NREP: variants seen among roughly 807,000 people sequenced by gnomAD.
NREP encodes neuronal regeneration-related protein.
In NREP, 5 loss-of-function variants were observed where a neutral mutation model predicts 8.6. That is an observed-to-expected ratio of 0.58 (90% CI 0.30 to 1.22). The LOEUF (loss-of-function observed/expected upper bound fraction) is 1.22, where lower values mean the gene tolerates loss of function less well. Among genes scored for constraint, NREP ranks in the 50% most tolerant of loss-of-function variants. The pLI, the probability that NREP is intolerant of heterozygous loss-of-function variation, is 0.07. For synonymous variants in NREP, 27 were observed against 28.0 expected, an observed-to-expected ratio of 0.96 and a Z score of 0.11; for missense variants, 86 against 82.5, an observed-to-expected ratio of 1.04 and a Z score of -0.17.
intron 2 of NREP, among the ~76,000 whole-genome samples, chr5:111,926,421 C>T (rs982209619): frequency 6.6e-6 from 1 of 152,102 alleles, no homozygotes; most frequent in East Asian, 1.9e-4. Context: ...TTGTGCATCG[C>T]TTGCAGAGGT....
rs186651169 is a variant in NREP, at chr5:111,811,681, C to T, written c.136-76174G>A. Among the ~76,000 whole-genome samples the T allele has an allele frequency of 3.7e-3, 563 of 152,226 alleles. 7 individuals are homozygous for T. The highest frequency in any genetic ancestry group is 6.8e-3 in the Middle Eastern group (2 of 294). ...ATATTTTTCTGGGATATTTATTCTTCTCTTGATATTAGCAAAACTTTTGTT... is the reference window on the plus strand; with the variant it reads ...ATATTTTTCTGGGATATTTATTCTTTTCTTGATATTAGCAAAACTTTTGTT... On this transcript the variant is annotated intron_variant, in intron 2 of 3. Transcript: ENST00000395634.
intron 2 of NREP, among the ~76,000 whole-genome samples, chr5:111,929,148 T>G (rs1755470663): frequency 1.3e-5 from 2 of 152,184 alleles, no homozygotes; most frequent in East Asian, 3.9e-4. Flanking sequence ...GATTACACAT[T>G]GAATTCTACT....
At chr5:111,798,665 C>G (rs1165527087) in intron 2 of NREP, among the ~76,000 whole-genome samples, 1 of 151,790 alleles carries the variant, frequency 6.6e-6, no homozygotes, top group Non-Finnish European at 1.5e-5. Context: ...GAATAATAGT[C>G]TTCAATTCCA....
intron 2 of NREP, among the ~76,000 whole-genome samples, chr5:111,955,801 T>A (rs1158010678): frequency 6.6e-6 from 1 of 151,206 alleles, no homozygotes; most frequent in East Asian, 2.0e-4. Flanking sequence ...ACCCACGGTG[T>A]AAGAGGCAGA....
At chr5:111,748,793 A>G (rs945139840) in intron 2 of NREP, among the ~76,000 whole-genome samples, 9 of 152,182 alleles carry the variant, frequency 5.9e-5, no homozygotes, top group African/African-American at 2.2e-4. Context: ...ACTGCTACCA[A>G]AAAGGGAAAG....
At chr5:111,973,879 C>A (rs1277679552) in intron 2 of NREP, among the ~76,000 whole-genome samples, 1 of 152,152 alleles carries the variant, frequency 6.6e-6, no homozygotes, top group Admixed American at 6.5e-5. Flanking sequence ...TCCAAGTTAC[C>A]TGGTTTAATG....
rs569422920 is a variant in NREP, at chr5:111,958,998, C to T, written c.135+16276G>A. The stretch of plus-strand genomic sequence containing the variant: ...GGGAAGGACACTGTTCAATGCAGTA[C>T]ATTTGGTTTTCAGAAAGAAAAAAAA... On this transcript the variant is annotated intron_variant, in intron 2 of 3. Coordinates refer to the NREP transcript ENST00000395634. Among the ~76,000 whole-genome samples the T allele has an allele frequency of 4.6e-5, 7 of 151,638 alleles. No individual in the cohort carries two copies. In the South Asian group the frequency reaches 6.2e-4, roughly 13 times the overall value.
At chr5:111,873,828 T>G (rs1581179903) in intron 2 of NREP, among the ~76,000 whole-genome samples, 1 of 152,306 alleles carries the variant, frequency 6.6e-6, no homozygotes, top group South Asian at 2.1e-4. Flanking sequence ...GGCATTATTT[T>G]GCCTACTACA....
At chr5:111,916,696 A>G (rs1561344097) in intron 2 of NREP, among the ~76,000 whole-genome samples, 1 of 152,132 alleles carries the variant, frequency 6.6e-6, no homozygotes, top group African/African-American at 2.4e-5. Flanking sequence ...CCTCAAATGT[A>G]TCAATTAGAT....
upstream of NREP, chr5:111,758,348 T>A (rs948477010): frequency 1.3e-6 from 1 of 743,228 alleles, no homozygotes; most frequent in Admixed American, 6.3e-5. Flanking sequence ...TGCCTGCCCG[T>A]CTGAAATTGT....
Position 111,750,069 on chromosome 5 carries a change from T to G in NREP, c.3+5701A>C, listed in dbSNP as rs570246956. On this transcript the variant is annotated intron_variant, in intron 2 of 3. Transcript: ENST00000257435. ...TCTCTAAGATGCCTGCTCAGGGGCT[T>G]CCTATTGCTTAGCACATCAAGTCCT... is the stretch of plus-strand genomic sequence containing the variant. 2.0e-5 allele frequency among the ~76,000 whole-genome samples: 3 copies of G among 152,272 alleles called. No individual in the cohort carries two copies. The South Asian group carries it at 6.2e-4, about 32-fold the overall frequency.
intron 2 of NREP, among the ~76,000 whole-genome samples, chr5:111,907,465 CT>C (rs759517950): frequency 2.6e-5 from 4 of 152,002 alleles, no homozygotes; most frequent in Non-Finnish European, 5.9e-5. Flanking sequence ...ATTGCCTTGG[CT>C]TCTTTGCCAA....
chr5:111,958,414 A>G (rs892911305), intron 2 of NREP, among the ~76,000 whole-genome samples: 1 of 151,968 alleles, frequency 6.6e-6, no homozygotes, highest in African/African-American at 2.4e-5. Context: ...GATAAAATTT[A>G]CCACATAGAG....
At chr5:111,778,643 T>C (rs1347091895) in intron 2 of NREP, among the ~76,000 whole-genome samples, 1 of 151,934 alleles carries the variant, frequency 6.6e-6, no homozygotes, top group Non-Finnish European at 1.5e-5. Context: ...TTTCTTGGAA[T>C]GGGCACATAT....
intron 2 of NREP, among the ~76,000 whole-genome samples, chr5:111,892,259 A>T (rs1754412056): frequency 1.3e-5 from 2 of 152,184 alleles, no homozygotes; most frequent in Non-Finnish European, 2.9e-5. Context: ...GAAGAGAAAC[A>T]AATCATACAA....
intron 3 of NREP, chr5:111,733,726 T>C (rs1049366805): frequency 1.3e-5 from 2 of 152,152 alleles, no homozygotes; most frequent in African/African-American, 4.8e-5. Context: ...GCTGAGGGAC[T>C]TGAGTAATTC....
At chr5:111,778,010 C>T (rs1043364306) in intron 2 of NREP, among the ~76,000 whole-genome samples, 3 of 152,236 alleles carry the variant, frequency 2.0e-5, no homozygotes, top group South Asian at 4.1e-4. Context: ...AAAACAACTT[C>T]TCTGTTTTGC....
chr5:111,882,287 A>G (rs1271565003), intron 2 of NREP, among the ~76,000 whole-genome samples: 1 of 152,196 alleles, frequency 6.6e-6, no homozygotes, highest in East Asian at 1.9e-4. Context: ...AGAAAAAAGA[A>G]TAAAAAGAAA....
At chr5:111,753,330 TTATA>T (rs10546970) in intron 2 of NREP, among the ~76,000 whole-genome samples, 3,955 of 140,594 alleles carry the variant, frequency 0.028, 110 homozygotes, top group East Asian at 0.069. Flanking sequence ...CAAGTTGATT[TTATA>T]TATATATATA....
Sources: gnomAD v4.1 joint callset for allele counts (sites outside exome capture counted in the v4.1 genomes callset) on GRCh38, gnomAD v4.1.1 for gene constraint, MANE v1.5 for transcripts, NCBI Gene and HGNC (gene_info 2026-07-23, HGNC 2026-07-21) for gene names.